Variants in DNM3 observed in about 807,000 individuals in gnomAD.
The protein encoded by DNM3 is dynamin-3.
Under a neutral mutation model 101.6 loss-of-function variants are expected in DNM3, and 47 were observed. That is an observed-to-expected ratio of 0.46 (90% confidence interval 0.37 to 0.59). DNM3 has a LOEUF of 0.59. DNM3 is among the 20% of genes least tolerant of loss of function. The pLI is 0.00. For missense variants in DNM3, 849 were observed against 1,085.7 expected (o/e 0.78, Z 3.06); for synonymous variants, 385 against 387.9 (o/e 0.99, Z 0.09).
chr1:172,348,122 A>G (rs1452485463), intron 17 of DNM3, among the ~76,000 whole-genome samples: 1 of 152,112 alleles, frequency 6.6e-6, no homozygotes, highest in South Asian at 2.1e-4. Context: ...GAGTTGGCAG[A>G]TGGTATTACA....
At chr1:172,333,738 T>A (rs1267621381) in intron 17 of DNM3, among the ~76,000 whole-genome samples, 1 of 152,168 alleles carries the variant, frequency 6.6e-6, no homozygotes, top group Non-Finnish European at 1.5e-5. Flanking sequence ...TATATTCAGT[T>A]GCATCCCAAC....
At chr1:172,358,317 A>G (rs144634066) in intron 17 of DNM3, among the ~76,000 whole-genome samples, 1 of 152,102 alleles carries the variant, frequency 6.6e-6, no homozygotes, top group Non-Finnish European at 1.5e-5. Context: ...GCTAGCTTTT[A>G]AAATCTACTA....
chr1:172,107,464 G>A (rs1364328924), intron 13 of DNM3, among the ~76,000 whole-genome samples: 2 of 152,020 alleles, frequency 1.3e-5, no homozygotes, highest in Non-Finnish European at 2.9e-5. Flanking sequence ...TTCACAGGCT[G>A]AGACTGCTGC....
At chr1:172,246,107 A>G (rs2061943411) in intron 14 of DNM3, among the ~76,000 whole-genome samples, 1 of 152,174 alleles carries the variant, frequency 6.6e-6, no homozygotes, top group Non-Finnish European at 1.5e-5. Flanking sequence ...GAATTCACTC[A>G]TTACCACAAG....
intron 17 of DNM3, among the ~76,000 whole-genome samples, chr1:172,342,114 G>A (rs2066715995): frequency 6.6e-6 from 1 of 152,138 alleles, no homozygotes; most frequent in Non-Finnish European, 1.5e-5. Flanking sequence ...AATAGCAGAT[G>A]GTGGCGAGGT....
At chr1:172,227,685 T>C (rs768960068) in intron 14 of DNM3, among the ~76,000 whole-genome samples, 15 of 152,156 alleles carry the variant, frequency 9.9e-5, no homozygotes, top group African/African-American at 1.4e-4. Flanking sequence ...TGATTAGTGA[T>C]GTTGAACATT....
intron 17 of DNM3, among the ~76,000 whole-genome samples, chr1:172,343,276 CT>C (rs549028227): frequency 7.9e-5 from 12 of 152,022 alleles, no homozygotes; most frequent in Non-Finnish European, 1.6e-4. Context: ...TTTTCTCAAC[CT>C]TTTTTTCTTG....
intron 13 of DNM3, among the ~76,000 whole-genome samples, chr1:172,099,417 T>G (rs1366060721): frequency 6.6e-6 from 1 of 151,774 alleles, no homozygotes; most frequent in Non-Finnish European, 1.5e-5. Flanking sequence ...TTGCAGCAGG[T>G]GGGAAAGAGA....
intron 14 of DNM3, among the ~76,000 whole-genome samples, chr1:172,161,865 C>T (rs572772039): frequency 6.6e-6 from 1 of 152,174 alleles, no homozygotes; most frequent in East Asian, 1.9e-4. Context: ...TGCTATTGAA[C>T]AAAGAGAGGT....
intron 10 of DNM3, among the ~76,000 whole-genome samples, chr1:172,066,110 T>A (rs1479550389): frequency 2.0e-5 from 3 of 152,186 alleles, no homozygotes; most frequent in African/African-American, 7.2e-5. Flanking sequence ...GGAGAAATAT[T>A]ACATGCTATA....
intron 4 of DNM3, among the ~76,000 whole-genome samples, chr1:171,996,795 A>G (rs185983702): frequency 7.9e-4 from 120 of 152,200 alleles, no homozygotes; most frequent in Middle Eastern, 3.4e-3. Flanking sequence ...TTGGGAGGCC[A>G]AGGTGGGCAG....
intron 4 of DNM3, among the ~76,000 whole-genome samples, chr1:172,011,063 T>C (rs6699125): frequency 1.3e-5 from 2 of 151,888 alleles, no homozygotes; most frequent in Non-Finnish European, 2.9e-5. Flanking sequence ...AGCAGATAGC[T>C]ATCTTACTTG....
chr1:172,055,026 G>T (rs1235461711), intron 10 of DNM3, among the ~76,000 whole-genome samples: 1 of 138,242 alleles, frequency 7.2e-6, no homozygotes, highest in Non-Finnish European at 1.5e-5. Flanking sequence ...AGTGCTGTTA[G>T]AAGAAATGCC....
chr1:172,227,958 C>G (rs1421090703), intron 14 of DNM3, among the ~76,000 whole-genome samples: 3 of 152,046 alleles, frequency 2.0e-5, no homozygotes, highest in African/African-American at 7.2e-5. Context: ...TTTTATTTAG[C>G]ATTTGTCTTT....
chr1:172,163,334 G>T (rs1436981864), intron 14 of DNM3, among the ~76,000 whole-genome samples: 1 of 151,666 alleles, frequency 6.6e-6, no homozygotes, highest in African/African-American at 2.4e-5. Flanking sequence ...CATCTCCTGG[G>T]TTCAAGCCAT....
At chr1:172,036,372 A>G (rs1045512583) in intron 6 of DNM3, among the ~76,000 whole-genome samples, 1 of 151,882 alleles carries the variant, frequency 6.6e-6, no homozygotes, top group Admixed American at 6.6e-5. Flanking sequence ...TCCATGGTGT[A>G]TACGCTACCT....
At chr1:172,223,355 C>T (rs2060984129) in intron 14 of DNM3, among the ~76,000 whole-genome samples, 1 of 151,158 alleles carries the variant, frequency 6.6e-6, no homozygotes, top group African/African-American at 2.4e-5. Flanking sequence ...TATCGGCAGG[C>T]ACCAATTGGC....
chr1:171,883,565 G>A (rs574075014), intron 1 of DNM3, among the ~76,000 whole-genome samples: 6 of 151,552 alleles, frequency 4.0e-5, no homozygotes, highest in East Asian at 1.9e-4. Context: ...TCCGCCTCCC[G>A]GGTTCAAGTG....
chr1:171,959,393 A>G (rs2043063992), intron 2 of DNM3, among the ~76,000 whole-genome samples: 1 of 152,176 alleles, frequency 6.6e-6, no homozygotes, highest in African/African-American at 2.4e-5. Flanking sequence ...GGGTTACGGG[A>G]TCAGTGATGA....
Sources: allele counts gnomAD v4.1 joint callset (sites outside exome capture counted in the v4.1 genomes callset), GRCh38; gene constraint gnomAD v4.1.1; transcripts MANE v1.5; gene names NCBI Gene and HGNC (gene_info 2026-07-23, HGNC 2026-07-21).